Variants in TENM4 observed in about 807,000 individuals in gnomAD.
The protein encoded by TENM4 is teneurin transmembrane protein 4.
In TENM4, 82 loss-of-function variants were observed where a neutral mutation model predicts 243.3. The observed-to-expected ratio is 0.34, with a 90% CI of 0.28 to 0.40. The LOEUF (loss-of-function observed/expected upper bound fraction) is 0.40, where lower values mean the gene tolerates loss of function less well. Ranked by LOEUF, TENM4 falls within the 10% of genes least tolerant of loss-of-function variation. The probability of loss-of-function intolerance (pLI) is 1.00; values close to 1 mark genes in which losing one functional copy is unlikely to be tolerated. For missense variants in TENM4, 3,138 were observed against 3,673.3 expected, an observed-to-expected ratio of 0.85 and a Z score of 3.77; for synonymous variants, 1,412 against 1,456.3, an observed-to-expected ratio of 0.97 and a Z score of 0.69.
intron 2 of TENM4, among the ~76,000 whole-genome samples, chr11:79,266,009 TATCTGATTTCCCA>T (rs1271044735): frequency 6.6e-5 from 10 of 152,338 alleles, no homozygotes; most frequent in South Asian, 4.1e-4. Context: ...TGGGAAGCCC[TATCTGATTTCCCA>T]GGTGGAGTAA....
At chr11:79,421,761 T>G (rs1375878720) in intron 1 of TENM4, among the ~76,000 whole-genome samples, 1 of 151,758 alleles carries the variant, frequency 6.6e-6, no homozygotes, top group Non-Finnish European at 1.5e-5. Flanking sequence ...GAGGCTGATC[T>G]CGATCTACAG....
At chr11:79,196,722 CT>C (rs1477542642) in intron 3 of TENM4, among the ~76,000 whole-genome samples, 2 of 152,158 alleles carry the variant, frequency 1.3e-5, no homozygotes, top group African/African-American at 4.8e-5. Flanking sequence ...TGTTCTCAGG[CT>C]TCTGGCCCCA....
At chr11:79,427,469 C>T (rs898685098) in intron 1 of TENM4, among the ~76,000 whole-genome samples, 4 of 152,014 alleles carry the variant, frequency 2.6e-5, no homozygotes, top group Admixed American at 2.0e-4. Flanking sequence ...GGGAAACGAT[C>T]GTGATAGATT....
intron 2 of TENM4, among the ~76,000 whole-genome samples, chr11:79,224,570 T>C (rs886224659): frequency 1.3e-5 from 2 of 152,028 alleles, no homozygotes; most frequent in African/African-American, 4.8e-5. Context: ...GGGGCCTTAT[T>C]TGGAGATAAG....
intron 6 of TENM4, among the ~76,000 whole-genome samples, chr11:78,969,013 TC>T (rs1857490531): frequency 6.6e-6 from 1 of 152,090 alleles, no homozygotes. Context: ...GTTAATTTTC[TC>T]CTTAGAAAAA....
At chr11:78,941,709 G>A (rs1250664726) in intron 6 of TENM4, among the ~76,000 whole-genome samples, 1 of 152,182 alleles carries the variant, frequency 6.6e-6, no homozygotes, top group Non-Finnish European at 1.5e-5. Flanking sequence ...AGAATCCAGA[G>A]CAGACTCTCC....
intron 6 of TENM4, among the ~76,000 whole-genome samples, chr11:79,030,774 G>A (rs1342925567): frequency 3.3e-5 from 5 of 152,076 alleles, no homozygotes; most frequent in African/African-American, 7.2e-5. Flanking sequence ...CTCCTTAAAC[G>A]ACAGTAATTC....
chr11:78,802,900 G>A (rs1284487542), intron 15 of TENM4, among the ~76,000 whole-genome samples: 1 of 152,052 alleles, frequency 6.6e-6, no homozygotes, highest in Non-Finnish European at 1.5e-5. Context: ...TTTCTGAAAG[G>A]GATTTCATCT....
intron 4 of TENM4, among the ~76,000 whole-genome samples, chr11:79,128,635 C>T (rs1861930755): frequency 6.6e-6 from 1 of 152,164 alleles, no homozygotes; most frequent in African/African-American, 2.4e-5. Context: ...GCATGCACCA[C>T]CTGGAAGTGG....
chr11:78,951,960 T>A (rs1025255739), intron 6 of TENM4, among the ~76,000 whole-genome samples: 2 of 152,092 alleles, frequency 1.3e-5, no homozygotes, highest in African/African-American at 4.8e-5. Context: ...TCTAGGAAGT[T>A]CCCCCAACCT....
At chr11:79,090,335 T>C (rs1004184113) in intron 4 of TENM4, among the ~76,000 whole-genome samples, 2 of 152,364 alleles carry the variant, frequency 1.3e-5, no homozygotes. Flanking sequence ...AAACCTCTAA[T>C]TGGTTACAAA....
At chr11:78,786,849 G>C in intron 16 of TENM4, 49 bp downstream of exon 16, 3 of 1,564,988 alleles carry the variant, frequency 1.9e-6, no homozygotes, top group Non-Finnish European at 2.6e-6. Context: ...AACAGACAAA[G>C]ATGTCCTGCA....
intron 30 of TENM4, among the ~76,000 whole-genome samples, chr11:78,674,935 G>A (rs58916843): frequency 0.023 from 3,479 of 151,730 alleles, 121 homozygotes; most frequent in African/African-American, 0.08. Context: ...GCGCGATCTC[G>A]GCTCATTGCA....
intron 15 of TENM4, among the ~76,000 whole-genome samples, chr11:78,800,736 GGAGA>G (rs5792816): frequency 0.013 from 1,932 of 143,878 alleles, 32 homozygotes; most frequent in African/African-American, 0.043. Flanking sequence ...AGTTCACAGG[GGAGA>G]GAGAGAGAGA....
intron 6 of TENM4, among the ~76,000 whole-genome samples, chr11:78,964,057 TC>T (rs1187646484): frequency 0.03 from 4,009 of 134,308 alleles, 254 homozygotes; most frequent in African/African-American, 0.11. Flanking sequence ...TTTTTTTTTT[TC>T]CCCTAGATGG....
intron 1 of TENM4, among the ~76,000 whole-genome samples, chr11:79,403,519 C>A (rs1858504295): frequency 6.6e-6 from 1 of 152,160 alleles, no homozygotes; most frequent in African/African-American, 2.4e-5. Flanking sequence ...AAATTTGATA[C>A]CCTTTCCATC....
intron 7 of TENM4, 78 bp downstream of exon 7, chr11:78,903,190 G>T: frequency 7.0e-7 from 1 of 1,434,188 alleles, no homozygotes; most frequent in Non-Finnish European, 9.1e-7. Flanking sequence ...ACACTGAATG[G>T]CCCCGCCAGC....
intron 1 of TENM4, among the ~76,000 whole-genome samples, chr11:79,391,263 A>G (rs1858226896): frequency 6.6e-6 from 1 of 151,440 alleles, no homozygotes; most frequent in Non-Finnish European, 1.5e-5. Context: ...TTTTTTTTCC[A>G]TCATAATTTC....
chr11:78,983,062 C>A (rs1857837787), intron 6 of TENM4, among the ~76,000 whole-genome samples: 1 of 152,236 alleles, frequency 6.6e-6, no homozygotes, highest in African/African-American at 2.4e-5. Context: ...CTTCAATACC[C>A]TTGCCGGTAT....
Sources: gnomAD v4.1 joint callset for allele counts (sites outside exome capture counted in the v4.1 genomes callset) on GRCh38, gnomAD v4.1.1 for gene constraint, MANE v1.5 for transcripts, NCBI Gene and HGNC (gene_info 2026-07-23, HGNC 2026-07-21) for gene names.